The following GRIN2A variants were observed in gnomAD, a reference collection of about 807,000 sequenced individuals.
GRIN2A encodes glutamate ionotropic receptor NMDA type subunit 2A, also known as glutamate receptor ionotropic, NMDA 2A.
A neutral mutation model predicts 113.4 loss-of-function variants in GRIN2A; 22 were observed. The ratio of observed to expected loss-of-function variants is 0.19; its 90% CI spans 0.14 to 0.28. The LOEUF (loss-of-function observed/expected upper bound fraction) is 0.28. GRIN2A is among the 10% of genes least tolerant of loss of function. GRIN2A has a pLI of 1.00. For missense variants in GRIN2A, 1,502 were observed against 1,887.0 expected (o/e 0.80, Z 3.78); for synonymous variants, 827 against 738.4 (o/e 1.12, Z -1.94).
At chr16:10,020,288 G>A (rs1317328500) in intron 2 of GRIN2A, among the ~76,000 whole-genome samples, 2 of 152,136 alleles carry the variant, frequency 1.3e-5, no homozygotes, top group Admixed American at 1.3e-4. Flanking sequence ...CGTGGGGCAG[G>A]TGCCTGTAGT....
intron 2 of GRIN2A, among the ~76,000 whole-genome samples, chr16:9,966,258 C>T (rs2141719606): frequency 6.6e-6 from 1 of 152,310 alleles, no homozygotes; most frequent in African/African-American, 2.4e-5. Flanking sequence ...TCCCGACTCT[C>T]TTCCTCCTCC....
intron 3 of GRIN2A, among the ~76,000 whole-genome samples, chr16:9,899,567 G>A (rs1359246251): frequency 1.3e-5 from 2 of 151,670 alleles, no homozygotes; most frequent in African/African-American, 4.8e-5. Context: ...TTTTTATAAG[G>A]AGAAAAGTAT....
At chr16:10,020,571 G>C (rs1723535398) in intron 2 of GRIN2A, among the ~76,000 whole-genome samples, 1 of 152,106 alleles carries the variant, frequency 6.6e-6, no homozygotes, top group Non-Finnish European at 1.5e-5. Flanking sequence ...TCCACATTGA[G>C]TTTCTGAAAA....
intron 2 of GRIN2A, among the ~76,000 whole-genome samples, chr16:10,090,150 C>A (rs1177397854): frequency 1.3e-5 from 2 of 152,092 alleles, no homozygotes; most frequent in African/African-American, 4.8e-5. Context: ...GTCCCCTATA[C>A]TCTATTTTAC....
At chr16:10,043,425 T>C (rs1005034488) in intron 2 of GRIN2A, among the ~76,000 whole-genome samples, 9 of 152,198 alleles carry the variant, frequency 5.9e-5, no homozygotes, top group African/African-American at 2.2e-4. Context: ...GCCCAAACTT[T>C]AAATGCTCAC....
At chr16:10,125,697 T>C (rs186834275) in intron 2 of GRIN2A, among the ~76,000 whole-genome samples, 1 of 150,938 alleles carries the variant, frequency 6.6e-6, no homozygotes, top group Admixed American at 6.6e-5. Flanking sequence ...GCCCCAGGCC[T>C]ACAGGAGGCT....
intron 2 of GRIN2A, among the ~76,000 whole-genome samples, chr16:10,170,943 T>TA: frequency 6.6e-6 from 1 of 152,222 alleles, no homozygotes; most frequent in South Asian, 2.1e-4. Flanking sequence ...CTTTGTCAGT[T>TA]AACCTCATTA....
intron 2 of GRIN2A, among the ~76,000 whole-genome samples, chr16:9,978,416 A>G (rs1315742120): frequency 6.6e-6 from 1 of 152,268 alleles, no homozygotes; most frequent in Non-Finnish European, 1.5e-5. Flanking sequence ...GTGATGATTA[A>G]CATGAGTATG....
chr16:10,137,157 C>T (rs954437060), intron 2 of GRIN2A, among the ~76,000 whole-genome samples: 1 of 152,126 alleles, frequency 6.6e-6, no homozygotes, highest in Non-Finnish European at 1.5e-5. Context: ...AAGACAGAGT[C>T]GGAGGGGTTC....
intron 2 of GRIN2A, among the ~76,000 whole-genome samples, chr16:10,008,650 G>C (rs1313404601): frequency 6.6e-6 from 1 of 152,202 alleles, no homozygotes; most frequent in Admixed American, 6.5e-5. Context: ...CTTTTAGGCA[G>C]AGATCTGTGC....
intron 2 of GRIN2A, among the ~76,000 whole-genome samples, chr16:9,998,369 T>C (rs764455114): frequency 4.6e-5 from 7 of 152,200 alleles, no homozygotes; most frequent in African/African-American, 1.2e-4. Context: ...AATTAGATTA[T>C]TGGTTGCCAG....
chr16:9,879,033 G>C (rs1227979168), intron 4 of GRIN2A, among the ~76,000 whole-genome samples: 1 of 152,136 alleles, frequency 6.6e-6, no homozygotes, highest in East Asian at 1.9e-4. Context: ...CGTGACTCTA[G>C]GGAAGTCAGA....
intron 10 of GRIN2A, among the ~76,000 whole-genome samples, chr16:9,821,369 G>C (rs928573994): frequency 1.3e-5 from 2 of 152,024 alleles, no homozygotes; most frequent in Admixed American, 1.3e-4. Context: ...CTTCCTACGA[G>C]AATGATTCCT....
At chr16:10,105,441 C>G (rs1000115294) in intron 2 of GRIN2A, among the ~76,000 whole-genome samples, 1 of 151,648 alleles carries the variant, frequency 6.6e-6, no homozygotes, top group African/African-American at 2.4e-5. Flanking sequence ...AATCAGCTGA[C>G]CCAATGTTTA....
At chr16:10,075,188 G>A (rs150668467) in intron 2 of GRIN2A, among the ~76,000 whole-genome samples, 41 of 152,102 alleles carry the variant, frequency 2.7e-4, no homozygotes, top group African/African-American at 9.4e-4. Flanking sequence ...TACCTGGCGC[G>A]TAGTCAGCAC....
chr16:9,822,253 G>T lies in GRIN2A; in HGVS notation c.2168+11C>A. 6.2e-7 allele frequency: 1 copy of T among 1,613,438 alleles called. No individual in the cohort carries two copies. The highest frequency in any genetic ancestry group is 8.5e-7 in the Non-Finnish European group (1 of 1,179,424). ...GCAGACCTGTGGTGAAAAGGAAACT[G>T]CCATCCTTACCCCGTTTTCAGGCTG... On this transcript the variant is annotated intron_variant, in intron 10 of 12. Coordinates refer to ENST00000330684, the MANE Select transcript of GRIN2A (RefSeq NM_001134407.3).
intron 2 of GRIN2A, among the ~76,000 whole-genome samples, chr16:9,957,463 C>A (rs779827713): frequency 6.6e-6 from 1 of 152,194 alleles, no homozygotes; most frequent in Non-Finnish European, 1.5e-5. Context: ...CTTTAATAAA[C>A]TTTTTTCATG....
At chr16:10,062,535 C>G (rs9934991) in intron 2 of GRIN2A, among the ~76,000 whole-genome samples, 2,607 of 152,278 alleles carry the variant, frequency 0.017, 81 homozygotes, top group African/African-American at 0.059. Flanking sequence ...TTCCAGGTGA[C>G]TGACACACAC....
At chr16:9,855,502 T>A (rs772092601) in intron 4 of GRIN2A, among the ~76,000 whole-genome samples, 4 of 152,340 alleles carry the variant, frequency 2.6e-5, no homozygotes, top group Middle Eastern at 6.8e-3. Flanking sequence ...CCTTGACTTT[T>A]GACCTCACTG....
Sources: gnomAD v4.1 joint callset for allele counts (sites outside exome capture counted in the v4.1 genomes callset) on GRCh38, gnomAD v4.1.1 for gene constraint, MANE v1.5 for transcripts, NCBI Gene and HGNC (gene_info 2026-07-23, HGNC 2026-07-21) for gene names.